CPLX2: variants seen among roughly 807,000 people sequenced by gnomAD.
CPLX2 encodes the protein complexin-2.
CPLX2 carries 5 observed loss-of-function variants against 16.3 expected under a neutral mutation model. The ratio of observed to expected loss-of-function variants is 0.31; its 90% CI spans 0.16 to 0.64. The LOEUF (loss-of-function observed/expected upper bound fraction) is 0.64. Ranked by LOEUF, CPLX2 falls within the 30% of genes least tolerant of loss-of-function variation. The pLI, the probability that CPLX2 is intolerant of heterozygous loss-of-function variation, is 0.79. For missense variants in CPLX2, 144 were observed against 181.4 expected (o/e 0.79, Z 1.18); for synonymous variants, 89 against 73.2 (o/e 1.22, Z -1.10).
chr5:175,878,871 C>A, intron 2 of CPLX2, 37 bp from the exon 3 acceptor site: 1 of 1,609,192 alleles, frequency 6.2e-7, no homozygotes, highest in Non-Finnish European at 8.5e-7. Context: ...TGACCCCTAG[C>A]TGACCCCGCC....
intron 2 of CPLX2, among the ~76,000 whole-genome samples, chr5:175,832,191 G>A (rs1758746080): frequency 6.6e-6 from 1 of 152,224 alleles, no homozygotes; most frequent in Non-Finnish European, 1.5e-5. Context: ...CAGGAGATGG[G>A]GGTAGTTAAT....
chr5:175,860,536 GAAAGATAGAT>G (rs2113688742), intron 2 of CPLX2, among the ~76,000 whole-genome samples: 10 of 19,858 alleles, frequency 5.0e-4, no homozygotes, highest in African/African-American at 2.2e-3. Context: ...AAGAAAGAAA[GAAAGATAGAT>G]AGAAAGAAAG....
chr5:175,806,881 G>A (rs996033530), intron 1 of CPLX2, among the ~76,000 whole-genome samples: 2 of 152,124 alleles, frequency 1.3e-5, no homozygotes, highest in African/African-American at 4.8e-5. Context: ...TTACTCACGG[G>A]TTTCCACTGT....
intron 1 of CPLX2, among the ~76,000 whole-genome samples, chr5:175,806,005 C>T (rs1758192440): frequency 6.6e-6 from 1 of 152,212 alleles, no homozygotes; most frequent in Non-Finnish European, 1.5e-5. Context: ...AGCACAGTTC[C>T]CTGTCCACAG....
In CPLX2 at chr5:175,871,686, A is replaced by G. The variant is rs2113705072; in HGVS notation, c.-108A>G. ...GGGCCGGAGCCCTGCAGTGGCTCAG[A>G]CGGTTGCAGGGACCGCCAGGTCGGT... On this transcript the variant is annotated 5_prime_UTR_variant, in exon 1 of 4. Transcript: ENST00000393745. 1 of 152,448 alleles carries G rather than the reference A, an allele frequency of 6.6e-6. No individual in the cohort carries two copies. The highest frequency in any genetic ancestry group is 2.1e-4 in the South Asian group (1 of 4,838). 9.4% of individuals were successfully genotyped at this position (152,448 alleles called of 1,614,324 possible).
At position 175,809,991 on chromosome 5, in the gene CPLX2, C is replaced by T. The variant is rs938282468; in HGVS notation, c.-89+923C>T. Among the ~76,000 whole-genome samples the T allele has an allele frequency of 3.3e-5, 5 of 152,136 alleles. No homozygotes were observed. Among genetic ancestry groups the T allele is most frequent in the African/African-American group, 9.7e-5 (4 of 41,432 alleles). ...GAGCTATTTATGATGCTGAGTCATT[C>T]GCAGAGAATGCCACTGAGGAATTCC... On this transcript the variant is annotated intron_variant, in intron 2 of 4. Coordinates refer to the CPLX2 transcript ENST00000359546. This position sits in a 1 kb window ranked among gnomAD's most constrained non-coding sequence, Gnocchi z 4.4.
chr5:175,844,758 T>C (rs10866690), intron 2 of CPLX2, among the ~76,000 whole-genome samples: 1 of 152,134 alleles, frequency 6.6e-6, no homozygotes, highest in East Asian at 1.9e-4. Flanking sequence ...AATGAGTTTT[T>C]AAAAGCAGGG....
At chr5:175,858,849 TG>T (rs1275419587) in intron 2 of CPLX2, among the ~76,000 whole-genome samples, 1 of 152,256 alleles carries the variant, frequency 6.6e-6, no homozygotes, top group Non-Finnish European at 1.5e-5. Flanking sequence ...GCCTGTTGAT[TG>T]GTCTATGTGG....
chr5:175,809,589 C>T lies in CPLX2; in HGVS notation c.-89+521C>T, dbSNP rs1342922974. On this transcript the variant is annotated intron_variant, in intron 2 of 4. Transcript: ENST00000359546. The surrounding 1 kb of genome is among the most constrained non-coding windows in gnomAD (Gnocchi z 4.4). ...ATCCTGTGCTTTTTCTGCTGAGCCA[C>T]GGCTTCCTGCACTGATGAGCTCAAC... is the stretch of plus-strand genomic sequence containing the variant. Among the ~76,000 whole-genome samples, 2 of 152,156 alleles carry T rather than the reference C, an allele frequency of 1.3e-5. No individual in the cohort carries two copies. The highest frequency in any genetic ancestry group is 6.5e-5 in the Admixed American group (1 of 15,276).
At chr5:175,823,384 G>A (rs1758549185) in intron 2 of CPLX2, among the ~76,000 whole-genome samples, 1 of 150,180 alleles carries the variant, frequency 6.7e-6, no homozygotes, top group African/African-American at 2.5e-5. Context: ...GTGAATGAAT[G>A]AGTGAGTGGT....
chr5:175,829,697 G>A (rs1406204671), intron 2 of CPLX2, among the ~76,000 whole-genome samples: 1 of 152,182 alleles, frequency 6.6e-6, no homozygotes, highest in Non-Finnish European at 1.5e-5. Flanking sequence ...GCCCTGATAT[G>A]ACCCTGTAAT....
chr5:175,880,260 A>T lies in CPLX2; in HGVS notation c.*215A>T. ...ACCCCACTCCCAAGTAGCTTGAAAA[A>T]GGGAGGACAGTCTTTCCCCAGCAGG... On this transcript the variant is annotated 3_prime_UTR_variant, in exon 4 of 4. Transcript: ENST00000393745. 1.5e-6 allele frequency: 1 copy of T among 661,594 alleles called. No individual in the cohort carries two copies. The highest frequency in any genetic ancestry group is 2.8e-6 in the Non-Finnish European group (1 of 360,234). 41.0% of individuals were successfully genotyped at this position (661,594 alleles called of 1,614,324 possible).
intron 2 of CPLX2, among the ~76,000 whole-genome samples, chr5:175,820,677 CGTGTGACTGTCTCACCCGCCCT>C (rs1454893768): frequency 6.6e-6 from 1 of 152,190 alleles, no homozygotes; most frequent in Non-Finnish European, 1.5e-5. Context: ...ACACACAGCC[CGTGTGACTGTCTCACCCGCCCT>C]GTCCTTCCAC....
chr5:175,878,079 CAA>C (rs1206883350), intron 1 of CPLX2: 1 of 152,278 alleles, frequency 6.6e-6, no homozygotes, highest in African/African-American at 2.4e-5. Flanking sequence ...TGTCTAATTT[CAA>C]AAGTCAGGAT....
intron 2 of CPLX2, among the ~76,000 whole-genome samples, chr5:175,822,465 G>A (rs1184844818): frequency 6.6e-6 from 1 of 152,170 alleles, no homozygotes; most frequent in East Asian, 1.9e-4. Context: ...ATGTGGAAAC[G>A]CTTCCTACTG....
intron 2 of CPLX2, among the ~76,000 whole-genome samples, chr5:175,864,088 G>A (rs1759422775): frequency 6.6e-6 from 1 of 152,210 alleles, no homozygotes; most frequent in Admixed American, 6.5e-5. Flanking sequence ...TGGAGAGAAA[G>A]AGGGAATTAA....
chr5:175,798,739 A>C (rs946283919), intron 1 of CPLX2, among the ~76,000 whole-genome samples: 6 of 152,050 alleles, frequency 3.9e-5, no homozygotes, highest in Non-Finnish European at 7.4e-5. Context: ...ATAACCCCCC[A>C]CATACCCATC....
chr5:175,870,173 A>G (rs563149735), upstream of CPLX2, among the ~76,000 whole-genome samples: 1 of 152,296 alleles, frequency 6.6e-6, no homozygotes, highest in South Asian at 2.1e-4. Context: ...CTGATGGCCC[A>G]ACACAGTGCT....
intron 2 of CPLX2, among the ~76,000 whole-genome samples, chr5:175,856,791 G>C (rs1051003468): frequency 6.6e-6 from 1 of 152,154 alleles, no homozygotes; most frequent in South Asian, 2.1e-4. Flanking sequence ...CAGGAAGGTG[G>C]GGGGTGGGGA....
Sources: allele counts gnomAD v4.1 joint callset (sites outside exome capture counted in the v4.1 genomes callset), GRCh38; gene constraint gnomAD v4.1.1; non-coding constraint Gnocchi (gnomAD v3.1); transcripts MANE v1.5; gene names NCBI Gene and HGNC (gene_info 2026-07-23, HGNC 2026-07-21).